The following CAMTA1 variants were observed in gnomAD, a reference collection of about 807,000 sequenced individuals.
CAMTA1 encodes the protein calmodulin binding transcription activator 1, also known as calmodulin-binding transcription activator 1.
CAMTA1 carries 27 observed loss-of-function variants against 170.9 expected under a neutral mutation model. That is an observed-to-expected ratio of 0.16 (90% CI 0.12 to 0.22). The LOEUF is 0.22. CAMTA1 is among the 10% of genes least tolerant of loss of function. The probability of loss-of-function intolerance (pLI) is 1.00; values close to 1 mark genes in which losing one functional copy is unlikely to be tolerated. For missense variants in CAMTA1, 1,619 were observed against 2,217.2 expected (o/e 0.73, Z 5.42); for synonymous variants, 833 against 891.5 (o/e 0.93, Z 1.17).
chr1:7,629,470 C>T (rs1008078232), intron 6 of CAMTA1, among the ~76,000 whole-genome samples: 2 of 152,172 alleles, frequency 1.3e-5, no homozygotes, highest in African/African-American at 4.8e-5. Context: ...TAATGAGTCT[C>T]ATACGTTGAC....
At chr1:7,575,374 G>C (rs143248063) in intron 6 of CAMTA1, among the ~76,000 whole-genome samples, 1 of 152,300 alleles carries the variant, frequency 6.6e-6, no homozygotes, top group African/African-American at 2.4e-5. Flanking sequence ...CAGAGAGGCA[G>C]GGAGGTGGGT....
chr1:7,020,694 A>G (rs1701216223), intron 3 of CAMTA1, among the ~76,000 whole-genome samples: 1 of 152,150 alleles, frequency 6.6e-6, no homozygotes, highest in Non-Finnish European at 1.5e-5. Context: ...GGGGGCTGCA[A>G]ATTGTGGGCT....
At chr1:6,923,916 G>A (rs572516976) in intron 3 of CAMTA1, among the ~76,000 whole-genome samples, 2 of 152,176 alleles carry the variant, frequency 1.3e-5, no homozygotes, top group Non-Finnish European at 2.9e-5. Flanking sequence ...AAAAGGAAGG[G>A]GAAAAACAAT....
At chr1:7,558,528 G>A (rs941096668) in intron 6 of CAMTA1, among the ~76,000 whole-genome samples, 2 of 152,248 alleles carry the variant, frequency 1.3e-5, no homozygotes, top group African/African-American at 4.8e-5. Context: ...TGTATTTAGG[G>A]ACCCACTGTT....
At chr1:7,343,540 T>G (rs912827831) in intron 5 of CAMTA1, among the ~76,000 whole-genome samples, 3 of 152,226 alleles carry the variant, frequency 2.0e-5, no homozygotes, top group South Asian at 4.1e-4. Context: ...AGTGTTTGTT[T>G]AAACATTCTA....
Position 7,738,475 on chromosome 1 carries a change from A to G in CAMTA1, c.4175A>G (p.Asp1392Gly). The change falls in exon 16 of 23, where the codon GAC becomes GGC. Residue 1392 changes from aspartate to glycine, a missense_variant. This residue lies in a region of CAMTA1 where 370 missense variants were observed against 429.4 expected (regional missense o/e 0.86). Transcript: ENST00000303635. The surrounding 1 kb of genome is among the most constrained non-coding windows in gnomAD (Gnocchi z 4.9). ...GAAGAATGCGGCCAGCCCATGGATG[A>G]CATACAGGTAAAAAGCAGGGACAGG... ...ENEECGQPMDDIQVNMMTLAE... is the reference protein window; with the variant it reads ...ENEECGQPMDGIQVNMMTLAE... The G allele has an allele frequency of 6.2e-7, 1 of 1,612,910 alleles. No individual in the cohort carries two copies. The highest frequency in any genetic ancestry group is 8.5e-7 in the Non-Finnish European group (1 of 1,179,090).
chr1:7,503,730 G>T (rs943552351), intron 6 of CAMTA1, among the ~76,000 whole-genome samples: 1 of 152,220 alleles, frequency 6.6e-6, no homozygotes, highest in Admixed American at 6.5e-5. Context: ...ATTCTTAGAT[G>T]TGTGGCCCTC....
intron 5 of CAMTA1, among the ~76,000 whole-genome samples, chr1:7,444,850 T>A (rs985033917): frequency 3.9e-5 from 6 of 152,148 alleles, no homozygotes; most frequent in Non-Finnish European, 8.8e-5. Flanking sequence ...TTCAAAGACT[T>A]GTTCAACAAG....
chr1:7,444,773 A>G (rs1279802309), intron 5 of CAMTA1, among the ~76,000 whole-genome samples: 2 of 152,240 alleles, frequency 1.3e-5, no homozygotes, highest in Non-Finnish European at 2.9e-5. Flanking sequence ...TTCACTGGAC[A>G]TAGAAATGGG....
intron 5 of CAMTA1, among the ~76,000 whole-genome samples, chr1:7,298,284 G>C (rs1674263775): frequency 6.6e-6 from 1 of 151,970 alleles, no homozygotes; most frequent in Non-Finnish European, 1.5e-5. Context: ...AGTAGGGGCT[G>C]CATTGTCATT....
chr1:6,956,811 CCTGACAAG>C (rs1689535573), intron 3 of CAMTA1, among the ~76,000 whole-genome samples: 6 of 152,232 alleles, frequency 3.9e-5, no homozygotes, highest in Admixed American at 3.9e-4. Context: ...AGAGCATCTG[CCTGACAAG>C]CTGACACCAG....
At chr1:7,419,994 C>A (rs6677745) in intron 5 of CAMTA1, among the ~76,000 whole-genome samples, 22,671 of 152,166 alleles carry the variant, frequency 0.15, 2,629 homozygotes, top group East Asian at 0.48. Context: ...GCCATTGGCC[C>A]CCGTGGTCTC....
At chr1:7,193,011 G>A (rs1344426968) in intron 4 of CAMTA1, among the ~76,000 whole-genome samples, 1 of 152,086 alleles carries the variant, frequency 6.6e-6, no homozygotes, top group African/African-American at 2.4e-5. Context: ...AACCCCACAT[G>A]CATCAAAACT....
chr1:7,425,872 C>A (rs530800957), intron 5 of CAMTA1, among the ~76,000 whole-genome samples: 18 of 152,198 alleles, frequency 1.2e-4, no homozygotes, highest in African/African-American at 4.1e-4. Context: ...AGTTGTGACT[C>A]CAGCTTCCCC....
intron 4 of CAMTA1, among the ~76,000 whole-genome samples, chr1:7,239,830 C>T (rs1012925232): frequency 1.1e-4 from 16 of 151,344 alleles, no homozygotes; most frequent in African/African-American, 3.2e-4. Context: ...GCTACATCAT[C>T]GCGTGGTGGA....
chr1:7,556,039 G>T (rs765261982), intron 6 of CAMTA1, among the ~76,000 whole-genome samples: 44 of 152,214 alleles, frequency 2.9e-4, no homozygotes, highest in Non-Finnish European at 5.6e-4. Context: ...GGGAAGCAGG[G>T]AGTCCATCAA....
intron 3 of CAMTA1, among the ~76,000 whole-genome samples, chr1:6,830,920 G>A (rs1381746217): frequency 2.0e-5 from 3 of 152,040 alleles, no homozygotes; most frequent in African/African-American, 2.4e-5. Context: ...CCAAGTTCAC[G>A]CTGTTCTCCT....
At position 7,661,717 on chromosome 1, in the gene CAMTA1, T is replaced by C; in HGVS notation, c.665-9T>C. 3.1e-6 allele frequency: 5 copies of C among 1,613,254 alleles called. No individual in the cohort carries two copies. The highest frequency in any genetic ancestry group is 4.2e-6 in the Non-Finnish European group (5 of 1,179,854). On this transcript the variant is annotated splice_polypyrimidine_tract_variant and intron_variant, in intron 7 of 22. Transcript: ENST00000303635. Reference sequence around the variant, plus strand: ...GGCTCTGACAGCCCCCCTGCCTCTCTCTTCACAGTCCATGGCATCAAGTGG... The same window carrying C: ...GGCTCTGACAGCCCCCCTGCCTCTCCCTTCACAGTCCATGGCATCAAGTGG...
At chr1:7,165,357 A>G (rs748498062) in intron 4 of CAMTA1, among the ~76,000 whole-genome samples, 2 of 152,204 alleles carry the variant, frequency 1.3e-5, no homozygotes, top group Non-Finnish European at 2.9e-5. Context: ...AAGAAAACAT[A>G]ATGTATACAC....
Sources: allele counts gnomAD v4.1 joint callset (sites outside exome capture counted in the v4.1 genomes callset), GRCh38; gene constraint gnomAD v4.1.1; regional missense constraint gnomAD v4.1.1; non-coding constraint Gnocchi (gnomAD v3.1); transcripts MANE v1.5; gene names NCBI Gene and HGNC (gene_info 2026-07-23, HGNC 2026-07-21).